Variants in PRKN observed in about 807,000 individuals in gnomAD.
PRKN encodes the protein parkin RBR E3 ubiquitin protein ligase.
A neutral mutation model predicts 59.5 loss-of-function variants in PRKN; 56 were observed. That is an observed-to-expected ratio of 0.94 (90% CI 0.76 to 1.18). The LOEUF (loss-of-function observed/expected upper bound fraction) is 1.18, where lower values mean the gene tolerates loss of function less well. Ranked by LOEUF, PRKN falls within the 50% of genes most tolerant of loss-of-function variation. The pLI is 0.00. For synonymous variants in PRKN, 250 were observed against 222.1 expected, an observed-to-expected ratio of 1.13 and a Z score of -1.12; for missense variants, 657 against 596.4, an observed-to-expected ratio of 1.10 and a Z score of -1.06.
At chr6:161,469,862 T>C (rs1790694887) in intron 9 of PRKN, among the ~76,000 whole-genome samples, 1 of 152,244 alleles carries the variant, frequency 6.6e-6, no homozygotes, top group South Asian at 2.1e-4. Flanking sequence ...ATACACATAT[T>C]ACTGAACTGT....
At chr6:162,295,355 C>T (rs980055740) in intron 2 of PRKN, among the ~76,000 whole-genome samples, 4 of 152,068 alleles carry the variant, frequency 2.6e-5, no homozygotes, top group South Asian at 2.1e-4. Context: ...ACTTTTTACT[C>T]GATTGCCTTG....
rs75746362 is a variant in PRKN, at chr6:162,659,030, T to C, written c.7+68632A>G. Reference sequence around the variant, plus strand: ...AACACTGAAAACTCTTCAATTTTCATAGGTAATAGTGGCTTTAGGGCTTTC... The same window carrying C: ...AACACTGAAAACTCTTCAATTTTCACAGGTAATAGTGGCTTTAGGGCTTTC... On this transcript the variant is annotated intron_variant, in intron 1 of 11. Transcript: ENST00000366898. Among the ~76,000 whole-genome samples the C allele has an allele frequency of 4.8e-3, 734 of 152,330 alleles. 30 individuals carry two copies. In the East Asian group the frequency reaches 0.12, roughly 24 times the overall value.
At chr6:161,738,999 A>G (rs1788079215) in intron 7 of PRKN, among the ~76,000 whole-genome samples, 1 of 152,238 alleles carries the variant, frequency 6.6e-6, no homozygotes, top group South Asian at 2.1e-4. Context: ...GTTACTGGTC[A>G]AAGCCCCTAC....
chr6:162,452,554 C>T (rs745547660), intron 1 of PRKN, among the ~76,000 whole-genome samples: 1 of 151,918 alleles, frequency 6.6e-6, no homozygotes, highest in Non-Finnish European at 1.5e-5. Flanking sequence ...TAAGGACAGA[C>T]ATTATATTTC....
At position 161,357,078 on chromosome 6, in the gene PRKN, G is replaced by A. The variant is rs536949879; in HGVS notation, c.1285+3010C>T. Among the ~76,000 whole-genome samples, 17 of 137,556 alleles carry A rather than the reference G, an allele frequency of 1.2e-4. No individual in the cohort carries two copies. The South Asian group carries it at 3.7e-3, about 30-fold the overall frequency. 90.2% of individuals were successfully genotyped at this position (137,556 alleles called of 152,430 possible). On this transcript the variant is annotated intron_variant, in intron 11 of 11. Transcript: ENST00000366898. This position sits in a 1 kb window ranked among gnomAD's most constrained non-coding sequence, Gnocchi z 5.5. ...TTTTTTTTTTTTTTTTTGAGACAGAGTCTTGCTCTGTCACTCAGGCTGGAG... is the reference window on the plus strand; with the variant it reads ...TTTTTTTTTTTTTTTTTGAGACAGAATCTTGCTCTGTCACTCAGGCTGGAG...
At chr6:162,219,074 C>G (rs902967211) in intron 3 of PRKN, among the ~76,000 whole-genome samples, 2 of 152,092 alleles carry the variant, frequency 1.3e-5, no homozygotes, top group Non-Finnish European at 1.5e-5. Context: ...CCTGTACTCC[C>G]AGCTACTTGG....
At chr6:161,858,472 C>G (rs1436536971) in intron 6 of PRKN, among the ~76,000 whole-genome samples, 8 of 152,148 alleles carry the variant, frequency 5.3e-5, no homozygotes, top group Non-Finnish European at 1.2e-4. Flanking sequence ...GAAAACTGGA[C>G]CTGCCACTAG....
intron 2 of PRKN, among the ~76,000 whole-genome samples, chr6:162,301,283 C>A (rs1205528181): frequency 6.6e-6 from 1 of 152,096 alleles, no homozygotes; most frequent in Non-Finnish European, 1.5e-5. Context: ...CCATTTAACC[C>A]CCAAGGCTAC....
In PRKN at chr6:161,475,579, C is replaced by T. The variant is rs557644157; in HGVS notation, c.1083+73275G>A. ...AGTGCCGCGGTGCAATACAACTTGC[C>T]GCAGTCTTGACCTCCTGGGCTCAAG... On this transcript the variant is annotated intron_variant, in intron 9 of 11. Transcript: ENST00000366898. This position sits in a 1 kb window ranked among gnomAD's most constrained non-coding sequence, Gnocchi z 5.3. Among the ~76,000 whole-genome samples, 10 of 152,212 alleles carry T rather than the reference C, an allele frequency of 6.6e-5. No homozygotes were observed. The South Asian group carries it at 1.5e-3, about 22-fold the overall frequency.
intron 1 of PRKN, among the ~76,000 whole-genome samples, chr6:162,468,595 G>C (rs938862262): frequency 2.4e-4 from 36 of 152,212 alleles, no homozygotes; most frequent in African/African-American, 8.4e-4. Context: ...AGATTGGATG[G>C]TAGCCCAGCT....
At chr6:162,139,376 AC>A (rs1781684302) in intron 4 of PRKN, among the ~76,000 whole-genome samples, 1 of 152,346 alleles carries the variant, frequency 6.6e-6, no homozygotes, top group South Asian at 2.1e-4. Flanking sequence ...TGAAGAGCGG[AC>A]AACTGTGGAA....
chr6:162,021,347 A>G lies in PRKN; in HGVS notation c.618+32744T>C, dbSNP rs192214429. Among the ~76,000 whole-genome samples the G allele has an allele frequency of 3.0e-3, 439 of 147,270 alleles. 3 individuals are homozygous for G. The highest frequency in any genetic ancestry group is 0.01 in the African/African-American group (417 of 40,604). On this transcript the variant is annotated intron_variant, in intron 5 of 11. Transcript: ENST00000366898. ...AACAAAGGCTTTCAAATAATTGGTC[A>G]GTACAAATTCAAGGTCATCCAATCC...
intron 1 of PRKN, among the ~76,000 whole-genome samples, chr6:162,483,211 C>A (rs1031611287): frequency 1.3e-5 from 2 of 152,110 alleles, no homozygotes; most frequent in Non-Finnish European, 2.9e-5. Flanking sequence ...AGTCTGGGTC[C>A]TCTCTGAGAA....
At chr6:162,494,414 A>G (rs1162494117) in intron 1 of PRKN, among the ~76,000 whole-genome samples, 1 of 151,326 alleles carries the variant, frequency 6.6e-6, no homozygotes, top group Non-Finnish European at 1.5e-5. Flanking sequence ...CACAAGTTCC[A>G]GCATCAGGGT....
At chr6:162,636,294 GC>G (rs1777708937) in intron 1 of PRKN, among the ~76,000 whole-genome samples, 1 of 151,742 alleles carries the variant, frequency 6.6e-6, no homozygotes, top group Non-Finnish European at 1.5e-5. Context: ...TTTGCTTTAA[GC>G]CCAACATGAA....
chr6:161,807,310 C>T (rs1042132135), intron 6 of PRKN, among the ~76,000 whole-genome samples: 2 of 152,128 alleles, frequency 1.3e-5, no homozygotes, highest in African/African-American at 4.8e-5. Flanking sequence ...CGCATGCAAA[C>T]ATATATATAC....
intron 5 of PRKN, among the ~76,000 whole-genome samples, chr6:162,033,706 C>T (rs974969340): frequency 6.6e-6 from 1 of 152,020 alleles, no homozygotes; most frequent in Non-Finnish European, 1.5e-5. Context: ...TCTTAGAAAT[C>T]GTTTTTTATC....
chr6:161,913,813 A>G (rs1200131310), intron 6 of PRKN, among the ~76,000 whole-genome samples: 1 of 152,202 alleles, frequency 6.6e-6, no homozygotes, highest in Non-Finnish European at 1.5e-5. Flanking sequence ...CTGGGAGGTA[A>G]TTAGATCTAT....
At position 161,350,247 on chromosome 6, in the gene PRKN, G is replaced by A. The variant is rs201468658; in HGVS notation, c.1286-36C>T. 7.6e-6 allele frequency: 11 copies of A among 1,455,132 alleles called. No homozygotes were observed. In the Admixed American group the frequency reaches 1.0e-4, roughly 14 times the overall value. 90.1% of individuals were successfully genotyped at this position (1,455,132 alleles called of 1,614,324 possible). On this transcript the variant is annotated intron_variant, in intron 11 of 11. Transcript: ENST00000366898. ...CAGAAAACAAAGGTGTGGTGGGTTC[G>A]CAGCAAGTACCTGGAAAACACGCAT...
Sources: gnomAD v4.1 joint callset for allele counts (sites outside exome capture counted in the v4.1 genomes callset) on GRCh38, gnomAD v4.1.1 for gene constraint, Gnocchi (gnomAD v3.1) non-coding constraint, MANE v1.5 for transcripts, NCBI Gene and HGNC (gene_info 2026-07-23, HGNC 2026-07-21) for gene names.